Variants in HIPK2 observed in about 807,000 individuals in gnomAD.
HIPK2 encodes homeodomain interacting protein kinase 2, also known as homeodomain-interacting protein kinase 2.
HIPK2 carries 27 observed loss-of-function variants against 113.7 expected under a neutral mutation model. That is an observed-to-expected ratio of 0.24 (90% CI 0.17 to 0.33). HIPK2 has a LOEUF of 0.33. HIPK2 is among the 10% of genes least tolerant of loss of function. The probability of loss-of-function intolerance (pLI) is 1.00; values close to 1 mark genes in which losing one functional copy is unlikely to be tolerated. For missense variants in HIPK2, 1,257 were observed against 1,588.0 expected, an observed-to-expected ratio of 0.79 and a Z score of 3.54; for synonymous variants, 631 against 642.2, an observed-to-expected ratio of 0.98 and a Z score of 0.26.
chr7:139,690,722 G>A (rs1375800956), intron 2 of HIPK2, among the ~76,000 whole-genome samples: 1 of 152,010 alleles, frequency 6.6e-6, no homozygotes, highest in Non-Finnish European at 1.5e-5. Context: ...CCCTGCCCCC[G>A]CCTTGCTTCC....
intron 2 of HIPK2, among the ~76,000 whole-genome samples, chr7:139,662,542 T>C (rs371597050): frequency 1.3e-5 from 2 of 152,036 alleles, no homozygotes; most frequent in African/African-American, 4.8e-5. Context: ...TCGGGCCATA[T>C]ACCAGGGGTG....
chr7:139,777,772 T>C lies in HIPK2; in HGVS notation c.-149A>G, dbSNP rs1340272235. On this transcript the variant is annotated 5_prime_UTR_variant, in exon 1 of 15. Coordinates refer to ENST00000406875, the MANE Select transcript of HIPK2 (RefSeq NM_022740.5). ...GGCCGCCCGCGCCCGCATCACCGCC[T>C]CCCGTGGCCGGCGCCGGGGGAGGGG... 3.6e-6 allele frequency: 2 copies of C among 553,002 alleles called. No homozygotes were observed. The highest frequency in any genetic ancestry group is 2.2e-5 in the African/African-American group (1 of 45,604). The allele number at this position is 553,002 out of a possible 1,614,324, so 34.3% of individuals were successfully genotyped here.
chr7:139,762,845 G>C (rs1796491403), intron 1 of HIPK2, among the ~76,000 whole-genome samples: 1 of 152,198 alleles, frequency 6.6e-6, no homozygotes, highest in South Asian at 2.1e-4. Context: ...GGGGAAGGCA[G>C]GTGGAAAACA....
At chr7:139,635,491 G>A (rs1800779926) in intron 2 of HIPK2, among the ~76,000 whole-genome samples, 1 of 152,166 alleles carries the variant, frequency 6.6e-6, no homozygotes, top group South Asian at 2.1e-4. Flanking sequence ...CTTTAGTGAT[G>A]TTCTTTAGCA....
At chr7:139,748,717 A>G (rs1012345009) in intron 1 of HIPK2, among the ~76,000 whole-genome samples, 7 of 151,758 alleles carry the variant, frequency 4.6e-5, no homozygotes, top group Non-Finnish European at 1.0e-4. Flanking sequence ...CAATGACCCT[A>G]TTTCCAAATA....
intron 10 of HIPK2, 25 bp downstream of exon 10, chr7:139,604,056 C>A: frequency 6.2e-7 from 1 of 1,613,406 alleles, no homozygotes; most frequent in Non-Finnish European, 8.5e-7. Flanking sequence ...CACACCCACT[C>A]ACCCTAGAGG....
In HIPK2 at chr7:139,613,195, G is replaced by A. The variant is rs1460244520; in HGVS notation, c.2112+7C>T. The stretch of plus-strand genomic sequence containing the variant: ...AATACCAGTAATAATAAAGGAGAAA[G>A]AATTACCTGGGCAAGCAGACCTGGT... On this transcript the variant is annotated splice_region_variant and intron_variant, in intron 9 of 14. Transcript: ENST00000406875. The surrounding 1 kb of genome is among the most constrained non-coding windows in gnomAD (Gnocchi z 4.2). 1 of 1,613,574 alleles carries A rather than the reference G, an allele frequency of 6.2e-7. No homozygotes were observed. The highest frequency in any genetic ancestry group is 2.2e-5 in the East Asian group (1 of 44,874).
chr7:139,723,882 T>C (rs980800541), intron 1 of HIPK2, among the ~76,000 whole-genome samples: 6 of 152,228 alleles, frequency 3.9e-5, no homozygotes, highest in Non-Finnish European at 7.3e-5. Flanking sequence ...AATCCAGTTA[T>C]ATTATTCAAG....
rs529361064 is a variant in HIPK2, at chr7:139,581,906, T to A, written c.2965+1911A>T. ...CAAACATATATTTAAGGAACTTAAA[T>A]AATGATACAAGACAAATTCTATCCT... On this transcript the variant is annotated intron_variant, in intron 13 of 14. Coordinates refer to ENST00000406875, the MANE Select transcript of HIPK2 (RefSeq NM_022740.5). Among the ~76,000 whole-genome samples, 43 of 152,352 alleles carry A rather than the reference T, an allele frequency of 2.8e-4. No homozygotes were observed. The South Asian group carries it at 5.0e-3, about 18-fold the overall frequency.
intron 1 of HIPK2, among the ~76,000 whole-genome samples, chr7:139,764,604 G>C (rs1224724113): frequency 6.6e-6 from 1 of 152,192 alleles, no homozygotes; most frequent in Non-Finnish European, 1.5e-5. Context: ...TATCCAAAGA[G>C]AGAGGTCCAG....
chr7:139,770,316 G>T (rs116643769), intron 1 of HIPK2, among the ~76,000 whole-genome samples: 1 of 151,986 alleles, frequency 6.6e-6, no homozygotes, highest in Non-Finnish European at 1.5e-5. Context: ...TCACAACCTC[G>T]GCATTATAAC....
At chr7:139,673,885 T>TAAAAAAA (rs60905469) in intron 2 of HIPK2, among the ~76,000 whole-genome samples, 10 of 73,454 alleles carry the variant, frequency 1.4e-4, no homozygotes, top group Non-Finnish European at 2.0e-4. Context: ...CTATCTGTAC[T>TAAAAAAA]AAAAAAAAAA....
intron 2 of HIPK2, among the ~76,000 whole-genome samples, chr7:139,632,048 C>T (rs1351280963): frequency 6.6e-6 from 1 of 152,226 alleles, no homozygotes; most frequent in Non-Finnish European, 1.5e-5. Context: ...TAGAGATATT[C>T]TGAAGTTATC....
At chr7:139,720,783 G>A (rs1045078310) in intron 1 of HIPK2, among the ~76,000 whole-genome samples, 2 of 152,242 alleles carry the variant, frequency 1.3e-5, no homozygotes, top group Admixed American at 6.5e-5. Context: ...TTAAGTACCC[G>A]GAAGGGGGCG....
At chr7:139,615,561 C>A (rs1262693534) in intron 7 of HIPK2, among the ~76,000 whole-genome samples, 2 of 152,212 alleles carry the variant, frequency 1.3e-5, no homozygotes, top group Non-Finnish European at 2.9e-5. Flanking sequence ...CTATCTTAGC[C>A]TTCATACTGA....
chr7:139,755,328 T>C (rs1243407528), intron 1 of HIPK2, among the ~76,000 whole-genome samples: 2 of 152,232 alleles, frequency 1.3e-5, no homozygotes, highest in Non-Finnish European at 2.9e-5. Flanking sequence ...ATCAGTTTTT[T>C]ACAACCAACC....
intron 1 of HIPK2, among the ~76,000 whole-genome samples, chr7:139,729,235 G>C (rs1464881351): frequency 6.6e-6 from 1 of 151,974 alleles, no homozygotes; most frequent in African/African-American, 2.4e-5. Flanking sequence ...TGAGGTGGGA[G>C]GATCACTTGA....
At chr7:139,769,118 C>T (rs1796603994) in intron 1 of HIPK2, among the ~76,000 whole-genome samples, 1 of 152,200 alleles carries the variant, frequency 6.6e-6, no homozygotes, top group Non-Finnish European at 1.5e-5. Flanking sequence ...TAGATCACTG[C>T]CATAAGGTGT....
rs145286782 is a variant in HIPK2, at chr7:139,635,520, T to C, written c.1104-3795A>G. 5.0e-3 allele frequency among the ~76,000 whole-genome samples: 764 copies of C among 152,160 alleles called. 6 individuals are homozygous for C. Among genetic ancestry groups the C allele is most frequent in the Non-Finnish European group, 7.6e-3 (515 of 67,988 alleles). ...TTTAGCAGGAAACACCAGACATAGA[T>C]TTTGACGACTGACGTGACATGAACG... On this transcript the variant is annotated intron_variant, in intron 2 of 14. Coordinates refer to ENST00000406875, the MANE Select transcript of HIPK2 (RefSeq NM_022740.5).
Sources: allele counts gnomAD v4.1 joint callset (sites outside exome capture counted in the v4.1 genomes callset), GRCh38; gene constraint gnomAD v4.1.1; non-coding constraint Gnocchi (gnomAD v3.1); transcripts MANE v1.5; gene names NCBI Gene and HGNC (gene_info 2026-07-23, HGNC 2026-07-21).